Variants in DPP6 observed in about 807,000 individuals in gnomAD.
DPP6 encodes the protein A-type potassium channel modulatory protein DPP6.
Under a neutral mutation model 122.6 loss-of-function variants are expected in DPP6, and 69 were observed. The ratio of observed to expected loss-of-function variants is 0.56; its 90% CI spans 0.46 to 0.69. DPP6 has a LOEUF of 0.69. Ranked by LOEUF, DPP6 falls within the 30% of genes least tolerant of loss-of-function variation. The probability of loss-of-function intolerance (pLI) is 0.00; values close to 1 mark genes in which losing one functional copy is unlikely to be tolerated. For synonymous variants in DPP6, 418 were observed against 433.1 expected, an observed-to-expected ratio of 0.97 and a Z score of 0.43; for missense variants, 928 against 1,116.9, an observed-to-expected ratio of 0.83 and a Z score of 2.41.
At chr7:154,127,696 T>C (rs1424096987) in intron 1 of DPP6, among the ~76,000 whole-genome samples, 1 of 146,360 alleles carries the variant, frequency 6.8e-6, no homozygotes, top group African/African-American at 2.7e-5. Flanking sequence ...CTTTCTGAGG[T>C]TGGGAAGGAA....
At chr7:153,965,607 G>A (rs75686544) in intron 1 of DPP6, among the ~76,000 whole-genome samples, 24,522 of 152,014 alleles carry the variant, frequency 0.16, 2,152 homozygotes, top group Non-Finnish European at 0.19. Context: ...CCACCTCCTG[G>A]GTTCACGCCA....
intron 1 of DPP6, among the ~76,000 whole-genome samples, chr7:154,104,487 A>C (rs1402887929): frequency 1.3e-5 from 2 of 152,182 alleles, no homozygotes; most frequent in South Asian, 2.1e-4. Context: ...AGGTGTTTTC[A>C]TGATTAACAA....
chr7:154,598,775 A>G (rs1833250910), intron 5 of DPP6, among the ~76,000 whole-genome samples: 1 of 152,220 alleles, frequency 6.6e-6, no homozygotes, highest in Admixed American at 6.5e-5. Flanking sequence ...TGAAGTGTGC[A>G]AGGAGGCTCA....
chr7:154,177,151 G>T (rs191580311), intron 1 of DPP6, among the ~76,000 whole-genome samples: 3 of 152,002 alleles, frequency 2.0e-5, no homozygotes, highest in African/African-American at 7.3e-5. Context: ...TTTTCTATTC[G>T]CTGGGGAGTA....
intron 1 of DPP6, among the ~76,000 whole-genome samples, chr7:154,441,695 T>A (rs1489665972): frequency 2.6e-5 from 4 of 152,122 alleles, no homozygotes; most frequent in African/African-American, 7.2e-5. Flanking sequence ...CAGCTGTAGC[T>A]GGGGAGAAAA....
intron 1 of DPP6, among the ~76,000 whole-genome samples, chr7:154,016,796 C>T (rs867587363): frequency 2.0e-5 from 3 of 152,172 alleles, no homozygotes; most frequent in Admixed American, 6.5e-5. Context: ...TCCCTTTCTA[C>T]ACATCCTCTC....
intron 1 of DPP6, among the ~76,000 whole-genome samples, chr7:154,210,884 G>A (rs2150807656): frequency 6.6e-6 from 1 of 152,076 alleles, no homozygotes; most frequent in East Asian, 1.9e-4. Context: ...TAGATGCCAG[G>A]GACAGTGCTA....
chr7:154,111,808 T>C (rs542354631), intron 1 of DPP6, among the ~76,000 whole-genome samples: 1 of 152,314 alleles, frequency 6.6e-6, no homozygotes, highest in East Asian at 1.9e-4. Flanking sequence ...TGACTAACTC[T>C]TAGATTGGAA....
intron 5 of DPP6, among the ~76,000 whole-genome samples, chr7:154,632,915 A>G (rs1835494175): frequency 6.6e-6 from 1 of 152,228 alleles, no homozygotes; most frequent in Non-Finnish European, 1.5e-5. Flanking sequence ...CCCTGTGACA[A>G]ATCCTCAACT....
intron 1 of DPP6, among the ~76,000 whole-genome samples, chr7:154,172,837 G>A (rs1486255897): frequency 6.6e-6 from 1 of 152,102 alleles, no homozygotes; most frequent in East Asian, 1.9e-4. Context: ...GTGAGTTCAA[G>A]CCATCCAACT....
At chr7:154,154,899 GAGAC>G (rs1796606931) in intron 1 of DPP6, among the ~76,000 whole-genome samples, 1 of 152,192 alleles carries the variant, frequency 6.6e-6, no homozygotes, top group African/African-American at 2.4e-5. Flanking sequence ...CCAGGGCAGA[GAGAC>G]AGATGCCATT....
intron 1 of DPP6, among the ~76,000 whole-genome samples, chr7:153,929,575 G>A (rs894250175): frequency 6.6e-6 from 1 of 151,998 alleles, no homozygotes; most frequent in Non-Finnish European, 1.5e-5. Flanking sequence ...ACAGATAGAG[G>A]AGAGAGCAGC....
chr7:154,734,858 C>T (rs1196489397), intron 8 of DPP6, among the ~76,000 whole-genome samples: 1 of 152,190 alleles, frequency 6.6e-6, no homozygotes, highest in Non-Finnish European at 1.5e-5. Context: ...GTATATGCTC[C>T]ATAAGGTCAC....
chr7:154,454,707 G>A (rs747767889), intron 2 of DPP6, among the ~76,000 whole-genome samples: 1 of 152,100 alleles, frequency 6.6e-6, no homozygotes, highest in Admixed American at 6.5e-5. Context: ...TTCTCATACC[G>A]TTTACACCAG....
At chr7:154,795,314 G>T (rs986224516) in intron 11 of DPP6, among the ~76,000 whole-genome samples, 5 of 152,210 alleles carry the variant, frequency 3.3e-5, no homozygotes, top group Non-Finnish European at 5.9e-5. Context: ...CTTGAGTTTG[G>T]TGTCTGGAGT....
At chr7:154,506,751 T>C (rs1341785273) in intron 3 of DPP6, among the ~76,000 whole-genome samples, 1 of 152,232 alleles carries the variant, frequency 6.6e-6, no homozygotes, top group Admixed American at 6.5e-5. Flanking sequence ...AATTAAGATC[T>C]ATATTTATGA....
chr7:153,948,199 A>G (rs1388791702), intron 1 of DPP6, among the ~76,000 whole-genome samples: 1 of 152,240 alleles, frequency 6.6e-6, no homozygotes, highest in African/African-American at 2.4e-5. Context: ...GCTGCTATTT[A>G]CTTTTAAAAA....
chr7:154,252,465 G>A (rs890627266), intron 1 of DPP6, among the ~76,000 whole-genome samples: 3 of 152,178 alleles, frequency 2.0e-5, no homozygotes, highest in Non-Finnish European at 2.9e-5. Context: ...ATCTATTATT[G>A]TTTTAAATTC....
intron 1 of DPP6, among the ~76,000 whole-genome samples, chr7:154,407,820 G>T (rs1296101550): frequency 1.3e-5 from 2 of 152,082 alleles, no homozygotes; most frequent in Non-Finnish European, 2.9e-5. Flanking sequence ...ATTGAGTTCT[G>T]GATTATTACC....
Sources: allele counts gnomAD v4.1 joint callset (sites outside exome capture counted in the v4.1 genomes callset), GRCh38; gene constraint gnomAD v4.1.1; transcripts MANE v1.5; gene names NCBI Gene and HGNC (gene_info 2026-07-23, HGNC 2026-07-21).